CHST8: variants seen among roughly 807,000 people sequenced by gnomAD.
The protein encoded by CHST8 is GALNAC-4-ST1.
CHST8 carries 10 observed loss-of-function variants against 15.0 expected under a neutral mutation model. The ratio of observed to expected loss-of-function variants is 0.67; its 90% CI spans 0.41 to 1.13. The LOEUF (loss-of-function observed/expected upper bound fraction) is 1.13. Among genes scored for constraint, CHST8 ranks in the 50% most tolerant of loss-of-function variants. The pLI is 0.00. For synonymous variants in CHST8, 259 were observed against 256.6 expected (o/e 1.01, Z -0.09); for missense variants, 634 against 608.2 (o/e 1.04, Z -0.45).
chr19:33,737,343 C>A lies in CHST8; in HGVS notation c.131-34070C>A, dbSNP rs147633099. Among the ~76,000 whole-genome samples, 382 of 152,300 alleles carry A rather than the reference C, an allele frequency of 2.5e-3. 2 individuals carry two copies. The highest frequency in any genetic ancestry group is 9.0e-3 in the African/African-American group (372 of 41,556). On this transcript the variant is annotated intron_variant, in intron 3 of 4. Transcript: ENST00000650847. ...AACCCACTTGGCCTTCTGGGCTGAG[C>A]CCCAGTTTTGGGGTTTGCCCTGTGA...
At chr19:33,761,643 T>C (rs530539545) in intron 3 of CHST8, among the ~76,000 whole-genome samples, 1 of 151,272 alleles carries the variant, frequency 6.6e-6, no homozygotes, top group South Asian at 2.1e-4. Context: ...AATATACATA[T>C]ATATATATAG....
At chr19:33,755,936 AAG>A (rs1974536567) in intron 3 of CHST8, among the ~76,000 whole-genome samples, 1 of 152,142 alleles carries the variant, frequency 6.6e-6, no homozygotes, top group East Asian at 1.9e-4. Context: ...AGGCTAAGCA[AAG>A]AGTTTGAGGC....
In CHST8 at chr19:33,740,289, G is replaced by T. The variant is rs190698169; in HGVS notation, c.131-31124G>T. On this transcript the variant is annotated intron_variant, in intron 3 of 4. Coordinates refer to ENST00000650847, the MANE Select transcript of CHST8 (RefSeq NM_001127895.2). Reference sequence around the variant, plus strand: ...TAGGGTGAGAGGGCTCTTCAGTGACGCCCAGGGACCTTTCTCAAGGCTGTG... The same window carrying T: ...TAGGGTGAGAGGGCTCTTCAGTGACTCCCAGGGACCTTTCTCAAGGCTGTG... Among the ~76,000 whole-genome samples, 217 of 152,264 alleles carry T rather than the reference G, an allele frequency of 1.4e-3. 1 individual carries two copies. Among genetic ancestry groups the T allele is most frequent in the African/African-American group, 4.9e-3 (204 of 41,550 alleles).
rs148194993 is a variant in CHST8 at position 33,724,269 on chromosome 19, C to T, written c.130+34878C>T. Among the ~76,000 whole-genome samples, 218 of 152,290 alleles carry T rather than the reference C, an allele frequency of 1.4e-3. 3 individuals carry two copies. The highest frequency in any genetic ancestry group is 5.1e-3 in the African/African-American group (210 of 41,574). On this transcript the variant is annotated intron_variant, in intron 3 of 4. Transcript: ENST00000650847. ...CACACCCTGCCCCACAGGCAGCTTC[C>T]ATGCCCTGGGTGTGGGGCCTGGGAC...
intron 3 of CHST8, among the ~76,000 whole-genome samples, chr19:33,691,194 G>A (rs1056322646): frequency 2.0e-5 from 3 of 152,154 alleles, no homozygotes; most frequent in Admixed American, 6.5e-5. Flanking sequence ...ATTACAGGTG[G>A]GCTGGGGACC....
intron 3 of CHST8, among the ~76,000 whole-genome samples, chr19:33,716,728 G>C (rs1482633894): frequency 1.3e-5 from 2 of 152,184 alleles, no homozygotes; most frequent in African/African-American, 4.8e-5. Context: ...CGGGTGAGGA[G>C]TCAACCCTCT....
chr19:33,654,340 G>A (rs182472281), intron 1 of CHST8, among the ~76,000 whole-genome samples: 189 of 152,024 alleles, frequency 1.2e-3, no homozygotes, highest in Non-Finnish European at 2.4e-3. Flanking sequence ...TTGGATTCTA[G>A]TCTTTCTGCT....
rs576191708 is a variant in CHST8 at position 33,668,593 on chromosome 19, AGT to A, written c.-87+753_-87+754del. Among the ~76,000 whole-genome samples, 328 of 152,270 alleles carry A rather than the reference AGT, an allele frequency of 2.2e-3. 3 individuals carry two copies. Among genetic ancestry groups the A allele is most frequent in the African/African-American group, 7.5e-3 (313 of 41,556 alleles). On this transcript the variant is annotated intron_variant, in intron 2 of 4. Transcript: ENST00000650847. Reference sequence around the variant, plus strand: ...GAACAGATCAGGTGACCCTCTGGCAAGTGTATGAGAATCTCCAAGGAGGGAGG... The same window carrying A: ...GAACAGATCAGGTGACCCTCTGGCAAGTATGAGAATCTCCAAGGAGGGAGG...
At chr19:33,668,329 C>T (rs1972689989) in intron 2 of CHST8, among the ~76,000 whole-genome samples, 1 of 152,186 alleles carries the variant, frequency 6.6e-6, no homozygotes, top group Admixed American at 6.5e-5. Context: ...ACTCTGCCCT[C>T]CTTGGGAGAG....
At chr19:33,667,385 C>T (rs1016771041) in intron 1 of CHST8, among the ~76,000 whole-genome samples, 16 of 152,148 alleles carry the variant, frequency 1.1e-4, no homozygotes, top group Non-Finnish European at 1.9e-4. Context: ...CTGGCGCTGG[C>T]TCTGTTTGGT....
At chr19:33,647,384 G>A (rs534607228) in intron 1 of CHST8, among the ~76,000 whole-genome samples, 2 of 152,294 alleles carry the variant, frequency 1.3e-5, no homozygotes, top group South Asian at 2.1e-4. Flanking sequence ...GGCCAGGTGG[G>A]TGAGGACCAA....
chr19:33,747,136 G>A (rs538668504), intron 3 of CHST8, among the ~76,000 whole-genome samples: 55 of 152,276 alleles, frequency 3.6e-4, no homozygotes, highest in African/African-American at 1.2e-3. Flanking sequence ...AATATGGTGG[G>A]CCAGAGAATA....
At chr19:33,627,282 T>A (rs1972068459) in intron 1 of CHST8, among the ~76,000 whole-genome samples, 2 of 151,322 alleles carry the variant, frequency 1.3e-5, no homozygotes, top group South Asian at 2.1e-4. Flanking sequence ...TTTTTTTTTT[T>A]AATATTTTTA....
chr19:33,690,984 G>T (rs1252141159), intron 3 of CHST8, among the ~76,000 whole-genome samples: 1 of 152,230 alleles, frequency 6.6e-6, no homozygotes, highest in East Asian at 1.9e-4. Context: ...CCCACATTCT[G>T]CAGGAGGAGC....
intron 1 of CHST8, among the ~76,000 whole-genome samples, chr19:33,662,240 G>T (rs1257308096): frequency 6.6e-6 from 1 of 152,040 alleles, no homozygotes; most frequent in Non-Finnish European, 1.5e-5. Flanking sequence ...ACCATGCCTG[G>T]CTACTTTTTG....
intron 2 of CHST8, among the ~76,000 whole-genome samples, chr19:33,671,620 TCCCTCTATAA>T (rs142673193): frequency 0.035 from 5,259 of 152,204 alleles, 121 homozygotes; most frequent in Non-Finnish European, 0.049. Flanking sequence ...CACAGCTGAT[TCCCTCTATAA>T]CCCTTGGTTC....
At chr19:33,624,308 G>A (rs1275774284) in intron 1 of CHST8, among the ~76,000 whole-genome samples, 2 of 152,196 alleles carry the variant, frequency 1.3e-5, no homozygotes, top group Admixed American at 1.3e-4. Flanking sequence ...GCTCCAGTTG[G>A]GAGAGGAGAG....
chr19:33,625,324 G>T (rs568136350), intron 1 of CHST8, among the ~76,000 whole-genome samples: 1 of 122,314 alleles, frequency 8.2e-6, no homozygotes, highest in African/African-American at 2.6e-5. Context: ...CTCGTGATCC[G>T]CCCACCTTGG....
intron 1 of CHST8, among the ~76,000 whole-genome samples, chr19:33,652,437 G>A (rs993055770): frequency 2.1e-5 from 3 of 143,072 alleles, no homozygotes; most frequent in Non-Finnish European, 4.5e-5. Flanking sequence ...GTGTAGTGGC[G>A]CAATCTCAGC....
Sources: gnomAD v4.1 joint callset for allele counts (sites outside exome capture counted in the v4.1 genomes callset) on GRCh38, gnomAD v4.1.1 for gene constraint, MANE v1.5 for transcripts, NCBI Gene and HGNC (gene_info 2026-07-23, HGNC 2026-07-21) for gene names.